The following CCNB3 variants were observed in gnomAD, a reference collection of about 807,000 sequenced individuals.
CCNB3 encodes cyclin B3, also known as G2/mitotic-specific cyclin-B3.
Under a neutral mutation model 68.0 loss-of-function variants are expected in CCNB3, and 12 were observed. That is an observed-to-expected ratio of 0.18 (90% CI 0.11 to 0.29). CCNB3 has a LOEUF of 0.29. Among genes scored for constraint, CCNB3 ranks in the 10% least tolerant of loss-of-function variants. The pLI, the probability that CCNB3 is intolerant of heterozygous loss-of-function variation, is 1.00. For synonymous variants in CCNB3, 354 were observed against 388.9 expected, an observed-to-expected ratio of 0.91 and a Z score of 1.06; for missense variants, 904 against 993.1, an observed-to-expected ratio of 0.91 and a Z score of 1.21.
At chrX:50,287,281 C>T (rs1936257597) in intron 3 of CCNB3, among the ~76,000 whole-genome samples, 1 of 111,059 alleles carries the variant, frequency 9.0e-6, no homozygotes, top group African/African-American at 3.3e-5. Context: ...AAGGCAAGCA[C>T]AGACACAGAA....
In CCNB3 at chrX:50,206,875, G is replaced by A. The variant is rs73211764; in HGVS notation, c.-113+1925G>A. Among the ~76,000 whole-genome samples the A allele has an allele frequency of 4.5e-5, 5 of 111,278 alleles. No homozygotes were observed. In the East Asian group the frequency reaches 1.1e-3, roughly 25 times the overall value. Reference sequence around the variant, plus strand: ...TGATGCTGTAATGAGGAGTGATCTCGCCAACTGCACTCCAGCCTCCTGTGC... The same window carrying A: ...TGATGCTGTAATGAGGAGTGATCTCACCAACTGCACTCCAGCCTCCTGTGC... On this transcript the variant is annotated intron_variant, in intron 1 of 12. Coordinates refer to ENST00000376042, the MANE Select transcript of CCNB3 (RefSeq NM_033031.3).
At chrX:50,350,734 T>C (rs782002654) in intron 11 of CCNB3, among the ~76,000 whole-genome samples, 32 of 109,704 alleles carry the variant, frequency 2.9e-4, no homozygotes, top group Non-Finnish European at 5.3e-4. Flanking sequence ...CTTGCTCTGT[T>C]ACCCAGGCTG....
intron 11 of CCNB3, among the ~76,000 whole-genome samples, chrX:50,348,234 G>T (rs1400821090): frequency 9.0e-6 from 1 of 111,491 alleles, no homozygotes; most frequent in Admixed American, 9.5e-5. Flanking sequence ...GGCACTCAGG[G>T]GCATGACTAT....
At chrX:50,307,263 GT>G (rs1921124824) in intron 5 of CCNB3, among the ~76,000 whole-genome samples, 4 of 111,394 alleles carry the variant, frequency 3.6e-5, no homozygotes, top group African/African-American at 1.3e-4. Context: ...GCCTTTAAGT[GT>G]TTTTGAGCAT....
chrX:50,211,639 C>T (rs1272474356), intron 1 of CCNB3, among the ~76,000 whole-genome samples: 9 of 111,639 alleles, frequency 8.1e-5, no homozygotes. Flanking sequence ...GTGATCTCAC[C>T]AACTGCACTC....
chrX:50,279,320 T>C (rs1255939026), intron 1 of CCNB3, among the ~76,000 whole-genome samples: 1 of 73,335 alleles, frequency 1.4e-5, no homozygotes, highest in Non-Finnish European at 2.3e-5. Context: ...ATTTAATATA[T>C]ATTTAAATAT....
intron 8 of CCNB3, among the ~76,000 whole-genome samples, chrX:50,319,740 G>C (rs1921919159): frequency 9.0e-6 from 1 of 111,731 alleles, no homozygotes; most frequent in African/African-American, 3.2e-5. Context: ...TTAGCTGTAG[G>C]ATTTTTGTAA....
intron 4 of CCNB3, among the ~76,000 whole-genome samples, chrX:50,292,646 G>C (rs925446933): frequency 3.6e-5 from 4 of 111,133 alleles, no homozygotes. Flanking sequence ...ACAAGCATGA[G>C]CCTTCCCTTC....
At chrX:50,336,595 G>T (rs1201821152) in intron 8 of CCNB3, among the ~76,000 whole-genome samples, 1 of 112,131 alleles carries the variant, frequency 8.9e-6, no homozygotes, top group East Asian at 2.8e-4. Context: ...TGTACATACG[G>T]TAAGCCTCAC....
chrX:50,342,074 T>C, intron 8 of CCNB3, 128 bp from the exon 9 acceptor site: 1 of 742,428 alleles, frequency 1.3e-6, no homozygotes, highest in Non-Finnish European at 2.1e-6. Flanking sequence ...GTTTCTGTAT[T>C]CGTAGCAGAG....
intron 9 of CCNB3, among the ~76,000 whole-genome samples, chrX:50,344,187 A>C: frequency 8.9e-6 from 1 of 112,516 alleles, no homozygotes; most frequent in East Asian, 2.8e-4. Flanking sequence ...GCAATAGGCT[A>C]TATACCATAT....
chrX:50,204,273 CT>C (rs781857845), upstream of CCNB3, among the ~76,000 whole-genome samples: 23 of 111,844 alleles, frequency 2.1e-4, no homozygotes, highest in Non-Finnish European at 3.9e-4. Flanking sequence ...AATTGTCACA[CT>C]TTGGCGTGCA....
rs782526385 is a variant in CCNB3 at position 50,304,176 on chromosome X, C to T, written c.336-4329C>T. ...GGACTCTCAATTTTATTCCATTTAT[C>T]TGTATGTCTCTCATTAACTATCATT... On this transcript the variant is annotated intron_variant, in intron 5 of 12. Coordinates refer to ENST00000376042, the MANE Select transcript of CCNB3 (RefSeq NM_033031.3). Among the ~76,000 whole-genome samples the T allele has an allele frequency of 5.4e-5, 6 of 111,543 alleles. No individual in the cohort carries two copies. In the South Asian group the frequency reaches 2.3e-3, roughly 42 times the overall value.
chrX:50,347,908 C>CT, intron 11 of CCNB3, 133 bp downstream of exon 11: 1 of 596,057 alleles, frequency 1.7e-6, no homozygotes, highest in Non-Finnish European at 2.5e-6. Context: ...ACTGTGAACT[C>CT]TAACACCTGG....
chrX:50,285,167 C>T lies in CCNB3; in HGVS notation c.4C>T (p.Leu2=). Residue 2 remains leucine, a synonymous_variant, in exon 3 of 13, where the codon CTA becomes TTA. Coordinates refer to ENST00000376042, the MANE Select transcript of CCNB3 (RefSeq NM_033031.3). M[L]LPLPPQSSKP... ...GACGCAGCTGAATCTCTAAGTGATG[C>T]TACTGCCACTACCACCCCAGAGCTC... The T allele has an allele frequency of 8.3e-7, 1 of 1,202,573 alleles. No homozygotes were observed.
At chrX:50,302,684 G>C (rs1183902984) in intron 5 of CCNB3, among the ~76,000 whole-genome samples, 8 of 111,443 alleles carry the variant, frequency 7.2e-5, no homozygotes, top group Non-Finnish European at 1.5e-4. Context: ...TCCCTATTCT[G>C]GATGTTTCAT....
intron 8 of CCNB3, among the ~76,000 whole-genome samples, chrX:50,332,681 T>A (rs1922655971): frequency 9.0e-6 from 1 of 111,085 alleles, no homozygotes; most frequent in Non-Finnish European, 1.9e-5. Context: ...TCCTTCTACC[T>A]TTACAGCCTT....
intron 5 of CCNB3, among the ~76,000 whole-genome samples, chrX:50,301,449 G>T (rs1198439989): frequency 8.9e-6 from 1 of 111,903 alleles, no homozygotes. Flanking sequence ...CAGAACAGCA[G>T]ATATTGGTGA....
At chrX:50,228,878 A>G (rs1325482137) in intron 1 of CCNB3, among the ~76,000 whole-genome samples, 4 of 71,450 alleles carry the variant, frequency 5.6e-5, no homozygotes, top group African/African-American at 2.3e-4. Context: ...TGTAGAATAT[A>G]TATGTAGAAT....
Sources: gnomAD v4.1 joint callset for allele counts (sites outside exome capture counted in the v4.1 genomes callset) on GRCh38, gnomAD v4.1.1 for gene constraint, MANE v1.5 for transcripts, NCBI Gene and HGNC (gene_info 2026-07-23, HGNC 2026-07-21) for gene names.